TXLNB: variants seen among roughly 807,000 people sequenced by gnomAD.
The protein encoded by TXLNB is taxilin beta.
A neutral mutation model predicts 57.4 loss-of-function variants in TXLNB; 37 were observed. That is an observed-to-expected ratio of 0.64 (90% CI 0.50 to 0.85). The LOEUF (loss-of-function observed/expected upper bound fraction) is 0.85, where lower values mean the gene tolerates loss of function less well. TXLNB is among the 40% of genes least tolerant of loss of function. TXLNB has a pLI of 0.00. For missense variants in TXLNB, 848 were observed against 825.6 expected, an observed-to-expected ratio of 1.03 and a Z score of -0.33; for synonymous variants, 302 against 309.6, an observed-to-expected ratio of 0.98 and a Z score of 0.26.
the TXLNB span, among the ~76,000 whole-genome samples, chr6:139,175,634 G>A: frequency 3.3e-5 from 5 of 152,108 alleles, no homozygotes; most frequent in Admixed American, 2.0e-4. Flanking sequence ...GATCTAGACC[G>A]ACCTCCTTAT....
chr6:139,174,567 G>A, the TXLNB span: 4 of 1,606,232 alleles, frequency 2.5e-6, no homozygotes, highest in Non-Finnish European at 3.4e-6. Flanking sequence ...TGAGGGAGCA[G>A]TGGGTGATAT....
At chr6:139,216,911 A>G in the TXLNB span, among the ~76,000 whole-genome samples, 1 of 152,174 alleles carries the variant, frequency 6.6e-6, no homozygotes. Flanking sequence ...TATTGGGTAC[A>G]GTGTACACTG....
At chr6:139,263,935 T>C (rs1776549627) in intron 4 of TXLNB, among the ~76,000 whole-genome samples, 1 of 152,236 alleles carries the variant, frequency 6.6e-6, no homozygotes, top group Non-Finnish European at 1.5e-5. Flanking sequence ...ACCTTTATCA[T>C]AACAGAATAA....
chr6:139,261,054 C>T (rs1239854610), intron 5 of TXLNB, among the ~76,000 whole-genome samples: 1 of 152,094 alleles, frequency 6.6e-6, no homozygotes, highest in Non-Finnish European at 1.5e-5. Flanking sequence ...CAGAGCTCGC[C>T]ACACCTTTTG....
At chr6:139,166,428 G>A in the TXLNB span, 1 of 1,614,234 alleles carries the variant, frequency 6.2e-7, no homozygotes, top group Non-Finnish European at 8.5e-7. Context: ...GAGTGGGAGA[G>A]CAGCATCCTC....
At position 139,262,662 on chromosome 6, in the gene TXLNB, G is replaced by A. The variant is rs761188530; in HGVS notation, c.799C>T (p.Arg267Ter). 71 of 1,613,948 alleles carry A rather than the reference G, an allele frequency of 4.4e-5. No individual in the cohort carries two copies. The highest frequency in any genetic ancestry group is 1.6e-4 in the Middle Eastern group (1 of 6,084). The change falls in exon 5 of 10, where the codon CGA becomes TGA. Residue 267 changes from arginine to a stop codon, truncating the protein, a stop_gained. Transcript: ENST00000358430. LOFTEE classifies it high-confidence loss of function. The stretch of plus-strand genomic sequence containing the variant: ...TTCTCCTGACAGAGCTTCATATTTC[G>A]CTCACTCTGCTGCTCGATCTGGCCC... ...IQGQIEQQSERNMKLCQENTE... is the reference protein window; with the variant it reads ...IQGQIEQQSE
the TXLNB span, among the ~76,000 whole-genome samples, chr6:139,230,263 C>CA: frequency 1.3e-5 from 2 of 152,138 alleles, no homozygotes; most frequent in Non-Finnish European, 2.9e-5. Context: ...TGTATCACAG[C>CA]AAAAAATCTC....
chr6:139,278,523 T>G (rs868136446), intron 2 of TXLNB, among the ~76,000 whole-genome samples: 7 of 152,160 alleles, frequency 4.6e-5, no homozygotes, highest in South Asian at 2.1e-4. Flanking sequence ...CAGGGATGGA[T>G]TTGCATTGGT....
At chr6:139,181,070 C>T in the TXLNB span, among the ~76,000 whole-genome samples, 3 of 152,280 alleles carry the variant, frequency 2.0e-5, no homozygotes, top group South Asian at 4.1e-4. Context: ...ATTATCGTTC[C>T]GGTTTTAGGG....
At chr6:139,194,902 C>G in the TXLNB span, among the ~76,000 whole-genome samples, 1 of 152,208 alleles carries the variant, frequency 6.6e-6, no homozygotes, top group Non-Finnish European at 1.5e-5. Context: ...AAATACCAGG[C>G]GTGTTGCCAC....
intron 6 of TXLNB, among the ~76,000 whole-genome samples, chr6:139,259,128 T>C (rs903016001): frequency 1.3e-5 from 2 of 152,178 alleles, no homozygotes; most frequent in Non-Finnish European, 2.9e-5. Flanking sequence ...GCCATATCCC[T>C]AAACCAAGTC....
At chr6:139,210,863 C>T in the TXLNB span, among the ~76,000 whole-genome samples, 6,224 of 152,354 alleles carry the variant, frequency 0.041, 162 homozygotes, top group Admixed American at 0.071. Flanking sequence ...GGGTCCTACG[C>T]CCACGGAGCC....
At chr6:139,165,807 GGGA>G in the TXLNB span, among the ~76,000 whole-genome samples, 811 of 16,890 alleles carry the variant, frequency 0.048, 8 homozygotes, top group African/African-American at 0.32. Context: ...TGCACAGTGT[GGGA>G]CATGTGTGGG....
At chr6:139,207,577 G>T in the TXLNB span, among the ~76,000 whole-genome samples, 1 of 152,070 alleles carries the variant, frequency 6.6e-6, no homozygotes, top group Non-Finnish European at 1.5e-5. Context: ...CAAAGAACTA[G>T]AGAAACAAGA....
At chr6:139,215,455 C>T in the TXLNB span, among the ~76,000 whole-genome samples, 14 of 152,178 alleles carry the variant, frequency 9.2e-5, no homozygotes, top group Non-Finnish European at 1.6e-4. Flanking sequence ...CCCTTCCTTA[C>T]ACCTTATACA....
chr6:139,208,373 A>G, the TXLNB span, among the ~76,000 whole-genome samples: 2 of 152,232 alleles, frequency 1.3e-5, no homozygotes, highest in Non-Finnish European at 2.9e-5. Flanking sequence ...CATCTAAAAA[A>G]GAATTCGTGA....
chr6:139,292,272 T>A (rs931833672), upstream of TXLNB: 1 of 152,244 alleles, frequency 6.6e-6, no homozygotes, highest in African/African-American at 2.4e-5. The surrounding 1 kb of genome is among the most constrained non-coding windows in gnomAD (Gnocchi z 4.0). Flanking sequence ...AGACTCTCCA[T>A]GTTTTGTTTG....
rs1197782946 is a variant in TXLNB at position 139,247,807 on chromosome 6, C to T, written c.1170+10G>A. On this transcript the variant is annotated intron_variant, in intron 8 of 9. Transcript: ENST00000358430. ...ATGTCAATATTTTGTTGGTGATAAG[C>T]AATACTCACTTTGTCCATTTCCTGT... The T allele has an allele frequency of 6.3e-7, 1 of 1,577,328 alleles. No individual in the cohort carries two copies. The highest frequency in any genetic ancestry group is 8.6e-7 in the Non-Finnish European group (1 of 1,156,458).
At chr6:139,258,358 T>C (rs1360195324) in intron 6 of TXLNB, among the ~76,000 whole-genome samples, 1 of 152,224 alleles carries the variant, frequency 6.6e-6, no homozygotes, top group East Asian at 1.9e-4. Context: ...AGTACCAATA[T>C]ACTATGGGAA....
Sources: gnomAD v4.1 joint callset for allele counts (sites outside exome capture counted in the v4.1 genomes callset) on GRCh38, gnomAD v4.1.1 for gene constraint, Gnocchi (gnomAD v3.1) non-coding constraint, MANE v1.5 for transcripts, NCBI Gene and HGNC (gene_info 2026-07-23, HGNC 2026-07-21) for gene names.